Variants in RXFP1 observed in about 807,000 individuals in gnomAD.
RXFP1 encodes relaxin receptor 1.
Under a neutral mutation model 89.8 loss-of-function variants are expected in RXFP1, and 73 were observed. The ratio of observed to expected loss-of-function variants is 0.81; its 90% CI spans 0.67 to 0.99. The LOEUF is 0.99. Ranked by LOEUF, RXFP1 falls within the 50% of genes least tolerant of loss-of-function variation. The pLI is 0.00. For synonymous variants in RXFP1, 277 were observed against 305.5 expected, an observed-to-expected ratio of 0.91 and a Z score of 0.97; for missense variants, 793 against 895.5, an observed-to-expected ratio of 0.89 and a Z score of 1.46.
intron 1 of RXFP1, among the ~76,000 whole-genome samples, chr4:158,561,644 T>TTTTTTTA: frequency 6.8e-6 from 1 of 148,026 alleles, no homozygotes; most frequent in Non-Finnish European, 1.5e-5. Flanking sequence ...TTTTTTTTTT[T>TTTTTTTA]TGAGACAGAG....
intron 1 of RXFP1, among the ~76,000 whole-genome samples, chr4:158,529,246 TG>T (rs376604064): frequency 2.0e-3 from 63 of 30,792 alleles, no homozygotes; most frequent in Admixed American, 0.018. Flanking sequence ...GCTTGTTTTT[TG>T]TTGTTGTTGT....
intron 17 of RXFP1, among the ~76,000 whole-genome samples, chr4:158,650,923 A>G (rs1772575885): frequency 6.6e-6 from 1 of 152,156 alleles, no homozygotes. Context: ...AACCTGGACA[A>G]CACAGGGAGA....
chr4:158,572,111 A>G (rs935710113), intron 1 of RXFP1, among the ~76,000 whole-genome samples: 2 of 152,140 alleles, frequency 1.3e-5, no homozygotes, highest in Non-Finnish European at 2.9e-5. Context: ...TACAAAATCA[A>G]TCGTGTTCTG....
At chr4:158,617,027 T>C (rs952203451) in intron 8 of RXFP1, 104 bp from the exon 9 acceptor site, 10 of 749,490 alleles carry the variant, frequency 1.3e-5, no homozygotes, top group Non-Finnish European at 1.9e-5. Context: ...AACAACTAAT[T>C]TAGTGGATTT....
intron 5 of RXFP1, chr4:158,607,183 C>T (rs772705634): frequency 1.9e-5 from 24 of 1,266,654 alleles, no homozygotes; most frequent in South Asian, 1.1e-4. Flanking sequence ...GATGCAATAG[C>T]GTATACTCTG....
chr4:158,567,155 G>A (rs1753753549), intron 1 of RXFP1, among the ~76,000 whole-genome samples: 1 of 152,192 alleles, frequency 6.6e-6, no homozygotes, highest in Admixed American at 6.5e-5. Flanking sequence ...CTCGGGACCT[G>A]CAGCCTACCA....
chr4:158,566,646 A>G lies in RXFP1; in HGVS notation c.50-6052A>G, dbSNP rs139119921. 2.1e-3 allele frequency among the ~76,000 whole-genome samples: 323 copies of G among 152,318 alleles called. 1 individual carries two copies. The highest frequency in any genetic ancestry group is 7.3e-3 in the African/African-American group (304 of 41,572). On this transcript the variant is annotated intron_variant, in intron 1 of 17. Transcript: ENST00000307765. Reference sequence around the variant, plus strand: ...CCCAAAGTGCTGGGATTACAGGCATAAGCCACCACACCCGGCCCAAAAGTT... The same window carrying G: ...CCCAAAGTGCTGGGATTACAGGCATGAGCCACCACACCCGGCCCAAAAGTT...
chr4:158,602,472 A>T (rs1037679701), intron 4 of RXFP1, among the ~76,000 whole-genome samples: 1 of 152,224 alleles, frequency 6.6e-6, no homozygotes, highest in East Asian at 1.9e-4. Context: ...GAAAAAGGAA[A>T]ATGCCATGGC....
intron 1 of RXFP1, among the ~76,000 whole-genome samples, chr4:158,542,050 G>T (rs1184443572): frequency 7.6e-6 from 1 of 132,166 alleles, no homozygotes; most frequent in Non-Finnish European, 1.6e-5. Context: ...CTCCCGAGTA[G>T]CTGGGACTAC....
chr4:158,595,986 CA>C (rs33982853), intron 3 of RXFP1, among the ~76,000 whole-genome samples: 39,277 of 112,920 alleles, frequency 0.35, 9,455 homozygotes, highest in African/African-American at 0.7. Context: ...CCAATCTCTC[CA>C]AAAAAAAAAA....
intron 9 of RXFP1, among the ~76,000 whole-genome samples, chr4:158,620,169 A>G (rs1276749162): frequency 2.0e-5 from 3 of 152,226 alleles, no homozygotes; most frequent in African/African-American, 7.2e-5. Flanking sequence ...CAAAAGAGAA[A>G]CAAAAAATTA....
intron 11 of RXFP1, among the ~76,000 whole-genome samples, chr4:158,632,132 A>C (rs771613262): frequency 6.6e-6 from 1 of 152,202 alleles, no homozygotes; most frequent in Non-Finnish European, 1.5e-5. Context: ...TTTATGAAAG[A>C]GATGGAATTT....
chr4:158,597,126 A>G (rs1760782013), intron 3 of RXFP1, among the ~76,000 whole-genome samples: 1 of 152,212 alleles, frequency 6.6e-6, no homozygotes, highest in Non-Finnish European at 1.5e-5. Flanking sequence ...AGTGTAGTGT[A>G]AAACTTGGGG....
intron 1 of RXFP1, among the ~76,000 whole-genome samples, chr4:158,565,197 T>C (rs1302641641): frequency 6.6e-6 from 1 of 152,084 alleles, no homozygotes; most frequent in Non-Finnish European, 1.5e-5. Flanking sequence ...ATTAAGTTAA[T>C]AGAAAGCAAG....
At chr4:158,614,790 G>A (rs751179662) in intron 8 of RXFP1, among the ~76,000 whole-genome samples, 9 of 152,136 alleles carry the variant, frequency 5.9e-5, no homozygotes, top group East Asian at 1.9e-4. Context: ...TTCACAATTC[G>A]GCTAACTGGT....
chr4:158,642,002 T>C (rs1279814650), intron 14 of RXFP1, among the ~76,000 whole-genome samples: 1 of 152,182 alleles, frequency 6.6e-6, no homozygotes, highest in African/African-American at 2.4e-5. Flanking sequence ...ATGAAAGAAG[T>C]CACTCAACAA....
At chr4:158,620,842 C>T (rs1004319500) in intron 9 of RXFP1, among the ~76,000 whole-genome samples, 29 of 152,158 alleles carry the variant, frequency 1.9e-4, no homozygotes, top group African/African-American at 7.0e-4. Flanking sequence ...AATCTTTGGC[C>T]GGGCATGGTG....
At chr4:158,525,578 A>G (rs1262392394) in intron 1 of RXFP1, among the ~76,000 whole-genome samples, 1 of 152,220 alleles carries the variant, frequency 6.6e-6, no homozygotes, top group African/African-American at 2.4e-5. Flanking sequence ...GGAGTTGAGT[A>G]TTCTAGTTAG....
chr4:158,574,367 C>T (rs1341726994), intron 2 of RXFP1, among the ~76,000 whole-genome samples: 1 of 152,046 alleles, frequency 6.6e-6, no homozygotes, highest in Non-Finnish European at 1.5e-5. Flanking sequence ...ATAAGATGAA[C>T]ACCTGGCTTG....
Sources: allele counts gnomAD v4.1 joint callset (sites outside exome capture counted in the v4.1 genomes callset), GRCh38; gene constraint gnomAD v4.1.1; transcripts MANE v1.5; gene names NCBI Gene and HGNC (gene_info 2026-07-23, HGNC 2026-07-21).